Variants in GOLGB1 observed in about 807,000 individuals in gnomAD.
The protein encoded by GOLGB1 is golgin subfamily B member 1.
In GOLGB1, 174 loss-of-function variants were observed where a neutral mutation model predicts 336.9. The observed-to-expected ratio is 0.52, with a 90% confidence interval of 0.46 to 0.59. The LOEUF is 0.59. Among genes scored for constraint, GOLGB1 ranks in the 20% least tolerant of loss-of-function variants. The probability of loss-of-function intolerance (pLI) is 0.00; values close to 1 mark genes in which losing one functional copy is unlikely to be tolerated. For missense variants in GOLGB1, 3,331 were observed against 3,645.3 expected (o/e 0.91, Z 2.22); for synonymous variants, 1,208 against 1,289.2 (o/e 0.94, Z 1.35).
intron 8 of GOLGB1, among the ~76,000 whole-genome samples, chr3:121,717,880 C>G (rs112195041): frequency 1.3e-5 from 2 of 152,090 alleles, no homozygotes; most frequent in African/African-American, 2.4e-5. Context: ...GGATAGGACG[C>G]AAGTCTAAAC....
intron 1 of GOLGB1, among the ~76,000 whole-genome samples, chr3:121,736,116 C>T (rs1288017872): frequency 1.3e-5 from 2 of 152,112 alleles, no homozygotes; most frequent in Non-Finnish European, 2.9e-5. Flanking sequence ...TCAGTCAATA[C>T]TGATATAAAT....
chr3:121,712,052 T>TA (rs1195687642), intron 10 of GOLGB1, among the ~76,000 whole-genome samples: 1 of 152,220 alleles, frequency 6.6e-6, no homozygotes, highest in Non-Finnish European at 1.5e-5. Context: ...ATACTATTAA[T>TA]ACTTGACTTC....
At chr3:121,714,225 G>C (rs557974942) in intron 10 of GOLGB1, among the ~76,000 whole-genome samples, 1 of 152,316 alleles carries the variant, frequency 6.6e-6, no homozygotes, top group African/African-American at 2.4e-5. Context: ...TTACAATGGA[G>C]ATGACTGAAT....
chr3:121,699,877 A>G lies in GOLGB1; in HGVS notation c.1528T>C (p.Ser510Pro). 6.3e-7 allele frequency: 1 copy of G among 1,593,932 alleles called. No homozygotes were observed. The highest frequency in any genetic ancestry group is 8.6e-7 in the Non-Finnish European group (1 of 1,165,120). Residue 510 changes from serine (S) to proline (P), a missense_variant, in exon 12 of 22, where the codon TCT becomes CCT. Coordinates refer to ENST00000614479, the MANE Select transcript of GOLGB1 (RefSeq NM_001366282.2). The stretch of plus-strand genomic sequence containing the variant: ...GCCTCTAGGAGAGTAATCTGAGAAG[A>G]CAGTTTTTCTGAAAGTCACAAAATA... ...EELKAENEKLSSQITLLEAQN... is the reference protein window; with the variant it reads ...EELKAENEKLPSQITLLEAQN...
At chr3:121,675,142 G>C (rs1940184113) in intron 17 of GOLGB1, among the ~76,000 whole-genome samples, 1 of 152,178 alleles carries the variant, frequency 6.6e-6, no homozygotes, top group Admixed American at 6.5e-5. Context: ...GGCCTGAGGT[G>C]CCTTTCTTAC....
In GOLGB1 at chr3:121,664,945, G is replaced by C. The variant is rs138614748; in HGVS notation, c.9641C>G (p.Thr3214Arg). The change falls in exon 21 of 22, where the codon ACA becomes AGA. Residue 3214 changes from threonine (T) to arginine (R), a missense_variant. By Grantham distance (71) the Thr-to-Arg change is moderately conservative (BLOSUM62 -1). Transcript: ENST00000614479. ...TQEQALLIDL[T>R]SNSCRRTRSG... Reference sequence around the variant, plus strand: ...TCTTACCCTTCGACAACTGTTGCTTGTAAGATCTATTAACAGTGCCTGCTC... The same window carrying C: ...TCTTACCCTTCGACAACTGTTGCTTCTAAGATCTATTAACAGTGCCTGCTC... 183 of 1,599,080 alleles carry C rather than the reference G, an allele frequency of 1.1e-4. 3 individuals carry two copies. The highest frequency in any genetic ancestry group is 2.9e-4 in the East Asian group (13 of 44,834).
Position 121,691,970 on chromosome 3 carries a change from T to C in GOLGB1, c.7394A>G (p.Asp2465Gly). The C allele has an allele frequency of 6.2e-7, 1 of 1,614,136 alleles. No individual in the cohort carries two copies. Among genetic ancestry groups the C allele is most frequent in the Non-Finnish European group, 8.5e-7 (1 of 1,179,958 alleles). Residue 2465 changes from aspartate (D) to glycine (G), a missense_variant, in exon 14 of 22, where the codon GAT becomes GGT. Physicochemically the swap from Asp to Gly is moderately conservative, Grantham distance 94. Coordinates refer to ENST00000614479, the MANE Select transcript of GOLGB1 (RefSeq NM_001366282.2). The stretch of plus-strand genomic sequence containing the variant: ...AGAAGACATGGATTTAACAAAGGAA[T>C]CCAACTGTGCCTTTTGCTGAATGTT... ...KENIQQKAQL[D>G]SFVKSMSSLQ...
intron 15 of GOLGB1, among the ~76,000 whole-genome samples, chr3:121,679,803 C>T (rs564660506): frequency 1.9e-4 from 29 of 152,302 alleles, no homozygotes; most frequent in African/African-American, 7.0e-4. Flanking sequence ...CCTCCTCCCC[C>T]ACTCCCACTG....
chr3:121,742,636 A>C (rs1434573220), intron 1 of GOLGB1, among the ~76,000 whole-genome samples: 5 of 152,220 alleles, frequency 3.3e-5, no homozygotes, highest in Admixed American at 1.3e-4. Flanking sequence ...ATTAAACTAA[A>C]GAGCTTCTGC....
chr3:121,730,993 G>T lies in GOLGB1; in HGVS notation c.-2-20C>A. 6.2e-7 allele frequency: 1 copy of T among 1,602,996 alleles called. No homozygotes were observed. Among genetic ancestry groups the T allele is most frequent in the South Asian group, 1.1e-5 (1 of 89,408 alleles). On this transcript the variant is annotated intron_variant, in intron 1 of 21. Transcript: ENST00000614479. ...GCATTTCTGTAGGAAAAGAAGGGGG[G>T]AAAAAACCTAAGAATCAGCAAAATG...
At chr3:121,740,561 T>C (rs1946782331) in intron 1 of GOLGB1, among the ~76,000 whole-genome samples, 1 of 152,206 alleles carries the variant, frequency 6.6e-6, no homozygotes, top group Non-Finnish European at 1.5e-5. Flanking sequence ...ATGTCACATG[T>C]TAATCTTAGG....
chr3:121,698,016 G>A lies in GOLGB1; in HGVS notation c.2507C>T (p.Thr836Ile), dbSNP rs141396149. 2 of 1,613,984 alleles carry A rather than the reference G, an allele frequency of 1.2e-6. No homozygotes were observed. Among genetic ancestry groups the A allele is most frequent in the Admixed American group, 1.7e-5 (1 of 60,010 alleles). ...CTGGCTTTGCAGGCTTCTTATCAGGGTACTCTGCTCAGAAAACTGAAGCTG... is the reference window on the plus strand; with the variant it reads ...CTGGCTTTGCAGGCTTCTTATCAGGATACTCTGCTCAGAAAACTGAAGCTG... ...DVQLQFSEQSTLIRSLQSQLQ... is the reference protein window; with the variant it reads ...DVQLQFSEQSILIRSLQSQLQ... Residue 836 changes from threonine to isoleucine, a missense_variant, in exon 13 of 22, where the codon ACC becomes ATC. Thr to Ile is a moderately conservative substitution (Grantham distance 89). Coordinates refer to ENST00000614479, the MANE Select transcript of GOLGB1 (RefSeq NM_001366282.2).
chr3:121,697,375 C>G lies in GOLGB1; in HGVS notation c.3148G>C (p.Glu1050Gln). ...GEVEEDKENK[E>Q]YSEKCVTSKC... ...GAAGTCACACATTTTTCTGAGTATT[C>G]TTTGTTTTCTTTATCTTCTTCCACT... The change falls in exon 13 of 22, where the codon GAA (glutamate) becomes CAA (glutamine). Residue 1050 changes from glutamate to glutamine, a missense_variant. Physicochemically the swap from Glu to Gln is conservative, Grantham distance 29 (BLOSUM62 2). Transcript: ENST00000614479. The G allele has an allele frequency of 6.2e-7, 1 of 1,613,546 alleles. No homozygotes were observed. Among genetic ancestry groups the G allele is most frequent in the Non-Finnish European group, 8.5e-7 (1 of 1,179,858 alleles).
rs767327593 is a variant in GOLGB1, at chr3:121,694,795, GTTC to G, written c.5725_5727del (p.Glu1909del). On this transcript the variant is annotated inframe_deletion, in exon 13 of 22. Coordinates refer to ENST00000614479, the MANE Select transcript of GOLGB1 (RefSeq NM_001366282.2). ...TCCTTTAGTTTGGTAACTCTGGAGA[GTTC>G]TTCTTGGATTTGCTGATTTAACAGG... 2 of 1,613,244 alleles carry G rather than the reference GTTC, an allele frequency of 1.2e-6. No homozygotes were observed. Among genetic ancestry groups the G allele is most frequent in the Admixed American group, 1.7e-5 (1 of 60,026 alleles).
rs376154506 is a variant in GOLGB1, at chr3:121,697,097, G to C, written c.3426C>G (p.Ser1142=). Residue 1142 remains serine, a synonymous_variant, in exon 13 of 22, where the codon TCC becomes TCG. Coordinates refer to ENST00000614479, the MANE Select transcript of GOLGB1 (RefSeq NM_001366282.2). The part of the protein sequence containing the change: ...TSNTDASDGD[S]VALVKETVVI... ...CCACTGTTTCCTTTACAAGTGCTAC[G>C]GAGTCCCCATCACTTGCATCCGTGT... 1.2e-6 allele frequency: 2 copies of C among 1,614,022 alleles called. No individual in the cohort carries two copies. The highest frequency in any genetic ancestry group is 1.7e-6 in the Non-Finnish European group (2 of 1,179,932).
intron 1 of GOLGB1, among the ~76,000 whole-genome samples, chr3:121,746,369 A>T (rs1212453567): frequency 6.6e-6 from 1 of 152,250 alleles, no homozygotes; most frequent in Non-Finnish European, 1.5e-5. Flanking sequence ...TGTAAGTGGT[A>T]GCTATAACAT....
intron 17 of GOLGB1, among the ~76,000 whole-genome samples, chr3:121,672,315 A>G (rs192980633): frequency 2.5e-4 from 38 of 152,286 alleles, no homozygotes; most frequent in Admixed American, 5.9e-4. Flanking sequence ...TTTTGATAAA[A>G]GCTATTTCAG....
At position 121,718,515 on chromosome 3, in the gene GOLGB1, ATT is replaced by A; in HGVS notation, c.772-16_772-15del. 1 of 1,504,290 alleles carries A rather than the reference ATT, an allele frequency of 6.6e-7. No homozygotes were observed. The highest frequency in any genetic ancestry group is 9.3e-7 in the Non-Finnish European group (1 of 1,080,328). 93.2% of individuals were successfully genotyped at this position (1,504,290 alleles called of 1,614,324 possible). A position where few individuals can be genotyped will look rare whatever the true frequency, so the allele number is the denominator to read the frequency against. On this transcript the variant is annotated splice_polypyrimidine_tract_variant and intron_variant, in intron 7 of 21. Transcript: ENST00000614479. ...CACCCTCAATTTCTGAGAAGAAAACATTTTAGACATAATATGCTAACAAATGA... is the reference window on the plus strand; with the variant it reads ...CACCCTCAATTTCTGAGAAGAAAACATTAGACATAATATGCTAACAAATGA...
intron 5 of GOLGB1, among the ~76,000 whole-genome samples, chr3:121,724,793 A>G (rs1287307096): frequency 6.6e-6 from 1 of 152,188 alleles, no homozygotes; most frequent in Non-Finnish European, 1.5e-5. Flanking sequence ...ACAGGCCCAA[A>G]GCCCTAAGAG....
Sources: gnomAD v4.1 joint callset for allele counts (sites outside exome capture counted in the v4.1 genomes callset) on GRCh38, gnomAD v4.1.1 for gene constraint, MANE v1.5 for transcripts, NCBI Gene and HGNC (gene_info 2026-07-23, HGNC 2026-07-21) for gene names.